The following BNC2 variants were observed in gnomAD, a reference collection of about 807,000 sequenced individuals.
BNC2 encodes the protein basonuclin zinc finger protein 2.
BNC2 carries 20 observed loss-of-function variants against 76.3 expected under a neutral mutation model. The ratio of observed to expected loss-of-function variants is 0.26; its 90% CI spans 0.18 to 0.38. BNC2 has a LOEUF of 0.38. Ranked by LOEUF, BNC2 falls within the 10% of genes least tolerant of loss-of-function variation. The pLI, the probability that BNC2 is intolerant of heterozygous loss-of-function variation, is 1.00. For synonymous variants in BNC2, 582 were observed against 514.8 expected (o/e 1.13, Z -1.77); for missense variants, 1,382 against 1,399.8 (o/e 0.99, Z 0.20).
chr9:16,464,405 T>C (rs1260254283), intron 5 of BNC2, among the ~76,000 whole-genome samples: 1 of 151,870 alleles, frequency 6.6e-6, no homozygotes, highest in African/African-American at 2.4e-5. Context: ...TATTTAAGTA[T>C]CAAACAAACC....
intron 5 of BNC2, among the ~76,000 whole-genome samples, chr9:16,545,634 GCA>G (rs1818458205): frequency 6.6e-6 from 1 of 152,154 alleles, no homozygotes; most frequent in South Asian, 2.1e-4. Flanking sequence ...CATGAGTGGA[GCA>G]CAGACCTGTA....
chr9:16,710,491 G>A (rs1823805094), intron 3 of BNC2, among the ~76,000 whole-genome samples: 1 of 152,212 alleles, frequency 6.6e-6, no homozygotes, highest in Non-Finnish European at 1.5e-5. Context: ...CCTGGTTCAT[G>A]ACCACAGAGT....
Position 16,617,457 on chromosome 9 carries a change from A to T in BNC2, c.331-34372T>A, listed in dbSNP as rs868182383. Among the ~76,000 whole-genome samples the T allele has an allele frequency of 8.6e-5, 13 of 151,080 alleles. No individual in the cohort carries two copies. The Middle Eastern group carries it at 0.01, about 121-fold the overall frequency. On this transcript the variant is annotated intron_variant, in intron 3 of 6. Coordinates refer to ENST00000380672, the MANE Select transcript of BNC2 (RefSeq NM_017637.6). ...TTCAAAGTAGAGTTTCCTCAGCTAC[A>T]CTGTCACCCAAGAGAATCCCCACAA... is the stretch of plus-strand genomic sequence containing the variant.
At chr9:16,576,124 G>T (rs890846258) in intron 4 of BNC2, among the ~76,000 whole-genome samples, 1 of 152,178 alleles carries the variant, frequency 6.6e-6, no homozygotes, top group African/African-American at 2.4e-5. Context: ...ATTAGTGCCT[G>T]TGCTACTGTT....
At chr9:16,609,547 G>A (rs1001345889) in intron 3 of BNC2, among the ~76,000 whole-genome samples, 3 of 152,108 alleles carry the variant, frequency 2.0e-5, no homozygotes, top group Non-Finnish European at 4.4e-5. Context: ...CTAAGGAGAA[G>A]ACCGAACTTC....
chr9:16,569,738 T>C (rs1434775298), intron 4 of BNC2, among the ~76,000 whole-genome samples: 1 of 152,174 alleles, frequency 6.6e-6, no homozygotes. Flanking sequence ...ATGAAGGTGG[T>C]AACAGGCAAA....
At chr9:16,471,975 T>C (rs1449594557) in intron 5 of BNC2, among the ~76,000 whole-genome samples, 1 of 152,214 alleles carries the variant, frequency 6.6e-6, no homozygotes, top group Admixed American at 6.5e-5. Context: ...TTCCTCATTT[T>C]TTCTCTTGCC....
chr9:16,447,833 G>A (rs1307924609), intron 5 of BNC2, among the ~76,000 whole-genome samples: 2 of 151,954 alleles, frequency 1.3e-5, no homozygotes, highest in African/African-American at 2.4e-5. Context: ...AACAAATATC[G>A]GTAGTCTTTC....
intron 3 of BNC2, chr9:16,699,206 G>C: frequency 2.1e-6 from 1 of 471,022 alleles, no homozygotes; most frequent in Non-Finnish European, 4.4e-6. Flanking sequence ...TCTACAAACT[G>C]TCATCCCCAC....
chr9:16,745,225 G>A (rs1563924045), intron 1 of BNC2, among the ~76,000 whole-genome samples: 2 of 152,206 alleles, frequency 1.3e-5, no homozygotes, highest in Admixed American at 6.5e-5. Context: ...GCGTAGGTAC[G>A]TGTGTGAAAA....
At chr9:16,495,002 A>T (rs192908749) in intron 5 of BNC2, among the ~76,000 whole-genome samples, 6 of 152,310 alleles carry the variant, frequency 3.9e-5, no homozygotes, top group Admixed American at 3.9e-4. Flanking sequence ...AAGAGTTTGG[A>T]TGTTCTTTCA....
intron 5 of BNC2, among the ~76,000 whole-genome samples, chr9:16,506,520 T>C (rs1281393376): frequency 4.8e-5 from 4 of 84,164 alleles, no homozygotes; most frequent in Admixed American, 2.8e-4. Context: ...CCTCTTTTTT[T>C]TTTTTTTTTT....
At chr9:16,697,229 G>T (rs556719224) in intron 3 of BNC2, among the ~76,000 whole-genome samples, 2 of 152,086 alleles carry the variant, frequency 1.3e-5, no homozygotes, top group African/African-American at 4.8e-5. Flanking sequence ...GTGGTGGCAC[G>T]TGCCCGTAGT....
intron 3 of BNC2, among the ~76,000 whole-genome samples, chr9:16,657,767 A>G (rs1821972033): frequency 1.3e-5 from 2 of 152,226 alleles, no homozygotes; most frequent in South Asian, 4.1e-4. Context: ...TATCAGACAT[A>G]CAAATACACA....
chr9:16,654,729 C>T (rs892423265), intron 3 of BNC2, among the ~76,000 whole-genome samples: 1 of 151,780 alleles, frequency 6.6e-6, no homozygotes, highest in African/African-American at 2.4e-5. Flanking sequence ...ATTTATTTTC[C>T]AGAGCCTGAA....
intron 5 of BNC2, among the ~76,000 whole-genome samples, chr9:16,537,536 TA>T (rs150835757): frequency 0.038 from 5,739 of 152,052 alleles, 225 homozygotes; most frequent in East Asian, 0.18. Flanking sequence ...TGTAGAAAAA[TA>T]ATGCTTACCT....
chr9:16,454,002 C>T (rs1211976896), intron 5 of BNC2, among the ~76,000 whole-genome samples: 1 of 152,166 alleles, frequency 6.6e-6, no homozygotes, highest in Non-Finnish European at 1.5e-5. Context: ...CCACCACCAA[C>T]GTTTTGCTTA....
chr9:16,445,318 A>T (rs1279972129), intron 5 of BNC2, among the ~76,000 whole-genome samples: 1 of 152,152 alleles, frequency 6.6e-6, no homozygotes. Context: ...TGTGTAAGTA[A>T]ACAAAATTAC....
intron 3 of BNC2, among the ~76,000 whole-genome samples, chr9:16,633,708 G>C (rs1587257380): frequency 1.3e-5 from 2 of 152,196 alleles, no homozygotes; most frequent in African/African-American, 4.8e-5. Flanking sequence ...GTAACATCGT[G>C]ACAATGTTTC....
Sources: gnomAD v4.1 joint callset for allele counts (sites outside exome capture counted in the v4.1 genomes callset) on GRCh38, gnomAD v4.1.1 for gene constraint, MANE v1.5 for transcripts, NCBI Gene and HGNC (gene_info 2026-07-23, HGNC 2026-07-21) for gene names.